Variants in COMMD10 observed in about 807,000 individuals in gnomAD.
COMMD10 encodes the protein COMM domain-containing protein 10.
COMMD10 carries 33 observed loss-of-function variants against 28.9 expected under a neutral mutation model. The ratio of observed to expected loss-of-function variants is 1.14; its 90% CI spans 0.87 to 1.53. The LOEUF is 1.53. Among genes scored for constraint, COMMD10 ranks in the 40% most tolerant of loss-of-function variants. The probability of loss-of-function intolerance (pLI) is 0.00; values close to 1 mark genes in which losing one functional copy is unlikely to be tolerated. For synonymous variants in COMMD10, 110 were observed against 81.7 expected (o/e 1.35, Z -1.87); for missense variants, 310 against 233.4 (o/e 1.33, Z -2.14).
At chr5:116,196,911 T>C (rs1454845745) in intron 5 of COMMD10, among the ~76,000 whole-genome samples, 1 of 152,190 alleles carries the variant, frequency 6.6e-6, no homozygotes, top group African/African-American at 2.4e-5. Flanking sequence ...ATGTGATGTA[T>C]GATTTACTAA....
chr5:116,180,888 C>G (rs1276824646), intron 5 of COMMD10, among the ~76,000 whole-genome samples: 1 of 152,096 alleles, frequency 6.6e-6, no homozygotes, highest in Non-Finnish European at 1.5e-5. Context: ...TTATTAGGCT[C>G]ATGTCTCTCA....
chr5:116,131,199 C>T (rs1751850076), intron 4 of COMMD10, among the ~76,000 whole-genome samples: 1 of 151,786 alleles, frequency 6.6e-6, no homozygotes, highest in Non-Finnish European at 1.5e-5. Context: ...AATATCGAGG[C>T]CCAAAGAGGT....
intron 5 of COMMD10, among the ~76,000 whole-genome samples, chr5:116,229,047 G>A (rs1200648877): frequency 1.3e-5 from 2 of 151,982 alleles, no homozygotes; most frequent in Non-Finnish European, 2.9e-5. Flanking sequence ...TTTCACATTA[G>A]AAAGATGCTG....
chr5:116,258,072 T>C (rs1265128423), intron 5 of COMMD10, among the ~76,000 whole-genome samples: 1 of 151,790 alleles, frequency 6.6e-6, no homozygotes, highest in East Asian at 1.9e-4. Flanking sequence ...GATCTACAAA[T>C]ATGAGTATAT....
At chr5:116,148,771 G>GT (rs1752420858) in intron 5 of COMMD10, among the ~76,000 whole-genome samples, 1 of 151,770 alleles carries the variant, frequency 6.6e-6, no homozygotes, top group African/African-American at 2.4e-5. Context: ...TCAAGAAATT[G>GT]AAAGGACAAC....
chr5:116,256,144 C>T (rs1039352572), intron 5 of COMMD10, among the ~76,000 whole-genome samples: 1 of 151,600 alleles, frequency 6.6e-6, no homozygotes, highest in Non-Finnish European at 1.5e-5. Flanking sequence ...TATTAAAATG[C>T]TGTACCTGGC....
At chr5:116,157,458 A>T (rs1752755090) in intron 5 of COMMD10, among the ~76,000 whole-genome samples, 1 of 152,094 alleles carries the variant, frequency 6.6e-6, no homozygotes, top group Non-Finnish European at 1.5e-5. Context: ...AATCAGTGGG[A>T]TGAGTGGACT....
intron 5 of COMMD10, among the ~76,000 whole-genome samples, chr5:116,204,295 A>T (rs1185200215): frequency 1.3e-5 from 2 of 152,178 alleles, no homozygotes; most frequent in African/African-American, 2.4e-5. Flanking sequence ...ATAATGGAAG[A>T]CTTTAAATTA....
chr5:116,200,078 T>C (rs1748625641), intron 5 of COMMD10, among the ~76,000 whole-genome samples: 1 of 151,670 alleles, frequency 6.6e-6, no homozygotes, highest in Admixed American at 6.6e-5. Flanking sequence ...TCATGAAGAA[T>C]GGGGTATCCA....
At chr5:116,280,549 C>T (rs148993317) in intron 5 of COMMD10, among the ~76,000 whole-genome samples, 1 of 151,798 alleles carries the variant, frequency 6.6e-6, no homozygotes, top group African/African-American at 2.4e-5. Flanking sequence ...ACGTCTATTC[C>T]TTGCCATGGT....
intron 5 of COMMD10, among the ~76,000 whole-genome samples, chr5:116,145,804 G>A (rs1325279083): frequency 1.3e-5 from 2 of 151,852 alleles, no homozygotes; most frequent in Non-Finnish European, 2.9e-5. Flanking sequence ...CCTTTGCTCA[G>A]CACTTCTCCT....
chr5:116,097,630 C>A (rs964536713), intron 4 of COMMD10, among the ~76,000 whole-genome samples: 2 of 152,048 alleles, frequency 1.3e-5, no homozygotes, highest in African/African-American at 4.8e-5. Flanking sequence ...CTATAAATAA[C>A]CTGAAATAGG....
chr5:116,152,065 C>T (rs1021207356), intron 5 of COMMD10, among the ~76,000 whole-genome samples: 2 of 152,088 alleles, frequency 1.3e-5, no homozygotes, highest in African/African-American at 4.8e-5. Context: ...TGTCTTTGTT[C>T]TCATTGGTTC....
At chr5:116,219,249 C>T (rs1006943051) in intron 5 of COMMD10, among the ~76,000 whole-genome samples, 3 of 151,980 alleles carry the variant, frequency 2.0e-5, no homozygotes, top group African/African-American at 7.3e-5. Flanking sequence ...TGTGGCATTT[C>T]GTTAATGGCA....
chr5:116,199,468 G>A (rs919313290), intron 5 of COMMD10, among the ~76,000 whole-genome samples: 1 of 151,974 alleles, frequency 6.6e-6, no homozygotes, highest in African/African-American at 2.4e-5. Context: ...TTAATTTAAT[G>A]AAGTCCAGCT....
intron 5 of COMMD10, among the ~76,000 whole-genome samples, chr5:116,273,497 T>A (rs866738408): frequency 1.3e-5 from 2 of 151,860 alleles, no homozygotes; most frequent in Non-Finnish European, 2.9e-5. Context: ...TCAAAATTAT[T>A]ATTGAGAACT....
intron 4 of COMMD10, among the ~76,000 whole-genome samples, chr5:116,099,514 C>G (rs922554190): frequency 6.6e-6 from 1 of 152,110 alleles, no homozygotes; most frequent in Non-Finnish European, 1.5e-5. Context: ...TTTAAGGAAC[C>G]TCCATACTGT....
rs184409281 is a variant in COMMD10, at chr5:116,198,450, C to T, written c.510+64272C>T. On this transcript the variant is annotated intron_variant, in intron 5 of 6. Coordinates refer to ENST00000274458, the MANE Select transcript of COMMD10 (RefSeq NM_016144.4). ...CCCCCGTATATTCCCTTCCCCTATG[C>T]ATGCATAGCCTATCCAATTATCAGT... is the stretch of plus-strand genomic sequence containing the variant. Among the ~76,000 whole-genome samples the T allele has an allele frequency of 1.7e-3, 263 of 152,268 alleles. 3 individuals are homozygous for T. The highest frequency in any genetic ancestry group is 5.9e-3 in the African/African-American group (246 of 41,566).
At chr5:116,156,561 C>T (rs958643759) in intron 5 of COMMD10, among the ~76,000 whole-genome samples, 1 of 152,024 alleles carries the variant, frequency 6.6e-6, no homozygotes, top group African/African-American at 2.4e-5. Flanking sequence ...TTTCGTTCTA[C>T]TTCATATCTA....
Sources: allele counts gnomAD v4.1 joint callset (sites outside exome capture counted in the v4.1 genomes callset), GRCh38; gene constraint gnomAD v4.1.1; transcripts MANE v1.5; gene names NCBI Gene and HGNC (gene_info 2026-07-23, HGNC 2026-07-21).